The following OPCML variants were observed in gnomAD, a reference collection of about 807,000 sequenced individuals.
OPCML encodes the protein opioid-binding protein/cell adhesion molecule.
A neutral mutation model predicts 37.8 loss-of-function variants in OPCML; 13 were observed. That is an observed-to-expected ratio of 0.34 (90% CI 0.22 to 0.55). The LOEUF is 0.55. Among genes scored for constraint, OPCML ranks in the 20% least tolerant of loss-of-function variants. The pLI is 0.91. For synonymous variants in OPCML, 176 were observed against 168.8 expected (o/e 1.04, Z -0.33); for missense variants, 341 against 435.6 (o/e 0.78, Z 1.93).
chr11:133,209,307 A>G (rs1939252332), intron 1 of OPCML, among the ~76,000 whole-genome samples: 1 of 152,218 alleles, frequency 6.6e-6, no homozygotes, highest in Non-Finnish European at 1.5e-5. Flanking sequence ...GCTGAATGGA[A>G]GATTATAGAA....
chr11:132,562,067 G>A (rs868593196), intron 3 of OPCML, among the ~76,000 whole-genome samples: 8 of 152,186 alleles, frequency 5.3e-5, no homozygotes, highest in Non-Finnish European at 1.0e-4. Context: ...TTATGCATGA[G>A]TTGAAAGCAC....
intron 4 of OPCML, among the ~76,000 whole-genome samples, chr11:132,492,743 A>G (rs910976848): frequency 1.4e-5 from 2 of 145,058 alleles, no homozygotes; most frequent in South Asian, 4.7e-4. Context: ...TATAGGATTT[A>G]TTTATTGTCT....
At chr11:133,520,327 C>T (rs1412663780) in intron 1 of OPCML, among the ~76,000 whole-genome samples, 1 of 152,040 alleles carries the variant, frequency 6.6e-6, no homozygotes, top group East Asian at 1.9e-4. Context: ...TTCTGAGGCT[C>T]CCAAGAAGCT....
chr11:132,735,451 C>G (rs978025678), intron 2 of OPCML, among the ~76,000 whole-genome samples: 1 of 152,154 alleles, frequency 6.6e-6, no homozygotes, highest in Non-Finnish European at 1.5e-5. Flanking sequence ...GTAATACTCA[C>G]AAGGGACCTA....
At position 133,009,397 on chromosome 11, in the gene OPCML, G is replaced by A. The variant is rs552715493; in HGVS notation, c.62-66387C>T. ...ATATTTCCAGGAACATATTTAGGAAGTCTGGCACTTTTGTTCCTAAAATCA... is the reference window on the plus strand; with the variant it reads ...ATATTTCCAGGAACATATTTAGGAAATCTGGCACTTTTGTTCCTAAAATCA... On this transcript the variant is annotated intron_variant, in intron 1 of 7. Transcript: ENST00000524381. 11 of 250,916 alleles carry A rather than the reference G, an allele frequency of 4.4e-5. 1 individual carries two copies. The highest frequency in any genetic ancestry group is 2.5e-4 in the African/African-American group (11 of 43,376). The allele number at this position is 250,916 out of a possible 1,614,324, so 15.5% of individuals were successfully genotyped here.
chr11:132,998,518 T>C (rs575989722), intron 1 of OPCML, among the ~76,000 whole-genome samples: 13 of 152,306 alleles, frequency 8.5e-5, no homozygotes, highest in African/African-American at 2.9e-4. Context: ...TCAGTTTTCA[T>C]AGATGTTCAT....
intron 3 of OPCML, among the ~76,000 whole-genome samples, chr11:132,536,250 C>A (rs2096340562): frequency 6.6e-6 from 1 of 152,202 alleles, no homozygotes; most frequent in African/African-American, 2.4e-5. Context: ...TCTGACCAGT[C>A]ACAATATTTG....
At chr11:132,852,279 A>T (rs1941844045) in intron 2 of OPCML, among the ~76,000 whole-genome samples, 1 of 152,180 alleles carries the variant, frequency 6.6e-6, no homozygotes, top group African/African-American at 2.4e-5. Context: ...TACTGAAAAA[A>T]TTTTGTATGC....
At chr11:132,920,015 A>G (rs1185694636) in intron 2 of OPCML, among the ~76,000 whole-genome samples, 2 of 152,178 alleles carry the variant, frequency 1.3e-5, no homozygotes, top group Non-Finnish European at 2.9e-5. Flanking sequence ...AGTAGCCGCT[A>G]ATGGGTTTGG....
At chr11:132,699,377 C>T (rs995900177) in intron 2 of OPCML, among the ~76,000 whole-genome samples, 2 of 152,002 alleles carry the variant, frequency 1.3e-5, no homozygotes, top group Admixed American at 1.3e-4. Context: ...CTAAGACTTT[C>T]AACACTTTGT....
chr11:132,633,104 T>C (rs1940256377), intron 3 of OPCML, among the ~76,000 whole-genome samples: 1 of 152,176 alleles, frequency 6.6e-6, no homozygotes, highest in East Asian at 1.9e-4. Context: ...AAGGTGGTCC[T>C]AGGCTAATCG....
At chr11:132,633,189 G>A (rs2135699717) in intron 3 of OPCML, among the ~76,000 whole-genome samples, 1 of 152,178 alleles carries the variant, frequency 6.6e-6, no homozygotes, top group Non-Finnish European at 1.5e-5. Flanking sequence ...GTGTTTGAGG[G>A]GGACAATCGG....
At chr11:133,469,671 C>T (rs1049959089) in intron 1 of OPCML, among the ~76,000 whole-genome samples, 1 of 152,144 alleles carries the variant, frequency 6.6e-6, no homozygotes, top group African/African-American at 2.4e-5. Context: ...TAAACTTGAC[C>T]TTCAGACTCC....
At chr11:133,235,550 A>G (rs1314255081) in intron 1 of OPCML, among the ~76,000 whole-genome samples, 2 of 152,246 alleles carry the variant, frequency 1.3e-5, no homozygotes, top group South Asian at 2.1e-4. Flanking sequence ...TGTCAGCACC[A>G]GCACCCAAGC....
chr11:133,170,678 ATGTG>A (rs1476950391), intron 1 of OPCML, among the ~76,000 whole-genome samples: 3 of 150,906 alleles, frequency 2.0e-5, no homozygotes, highest in Non-Finnish European at 4.4e-5. Context: ...AAAGAAAATG[ATGTG>A]TGTTTATCTG....
At chr11:133,055,343 C>A (rs570416777) in intron 1 of OPCML, among the ~76,000 whole-genome samples, 2 of 150,168 alleles carry the variant, frequency 1.3e-5, no homozygotes, top group African/African-American at 4.9e-5. Context: ...CATGAGGGAG[C>A]CACCTCTACT....
At chr11:133,401,462 T>A (rs1945404710) in intron 1 of OPCML, among the ~76,000 whole-genome samples, 1 of 152,194 alleles carries the variant, frequency 6.6e-6, no homozygotes. Context: ...TTTCCTTTTA[T>A]AATGGAGGAA....
intron 2 of OPCML, among the ~76,000 whole-genome samples, chr11:132,676,457 T>C (rs768737418): frequency 7.9e-5 from 12 of 151,930 alleles, no homozygotes; most frequent in Non-Finnish European, 1.8e-4. Flanking sequence ...AATTAACAAC[T>C]TTTGTATTTC....
chr11:133,170,354 T>C (rs1362888732), intron 1 of OPCML, among the ~76,000 whole-genome samples: 2 of 152,146 alleles, frequency 1.3e-5, no homozygotes, highest in Non-Finnish European at 2.9e-5. Flanking sequence ...GATGTGGTGG[T>C]GGGCGCCTGT....
Sources: gnomAD v4.1 joint callset for allele counts (sites outside exome capture counted in the v4.1 genomes callset) on GRCh38, gnomAD v4.1.1 for gene constraint, MANE v1.5 for transcripts, NCBI Gene and HGNC (gene_info 2026-07-23, HGNC 2026-07-21) for gene names.